Variants in SLC2A7 observed in about 807,000 individuals in gnomAD.
The protein encoded by SLC2A7 is solute carrier family 2 member 7.
SLC2A7 carries 50 observed loss-of-function variants against 50.5 expected under a neutral mutation model. The ratio of observed to expected loss-of-function variants is 0.99; its 90% CI spans 0.79 to 1.25. The LOEUF (loss-of-function observed/expected upper bound fraction) is 1.25, where lower values mean the gene tolerates loss of function less well. Among genes scored for constraint, SLC2A7 ranks in the 50% most tolerant of loss-of-function variants. The pLI is 0.00. For missense variants in SLC2A7, 683 were observed against 679.1 expected, an observed-to-expected ratio of 1.01 and a Z score of -0.06; for synonymous variants, 308 against 300.4, an observed-to-expected ratio of 1.03 and a Z score of -0.26.
chr1:9,003,572 A>T, intron 11 of SLC2A7, 54 bp from the exon 12 acceptor site: 1 of 1,534,322 alleles, frequency 6.5e-7, no homozygotes, highest in Non-Finnish European at 9.0e-7. Flanking sequence ...AACAGTGCTG[A>T]TTCAGCTGAG....
In SLC2A7 at chr1:9,003,260, G is replaced by A. The variant is rs776221394; in HGVS notation, c.*40C>T. The A allele has an allele frequency of 4.4e-6, 7 of 1,598,922 alleles. No individual in the cohort carries two copies. In the South Asian group the frequency reaches 6.6e-5, roughly 15 times the overall value. On this transcript the variant is annotated 3_prime_UTR_variant, in exon 12 of 12. Coordinates refer to ENST00000400906, the MANE Select transcript of SLC2A7 (RefSeq NM_207420.3). ...GCCGGGAGGCCCATTGTCATAGAAG[G>A]AAGCCTTGAATATGGGCTCCCGTCC...
At chr1:8,996,617 T>C in the SLC2A7 span, among the ~76,000 whole-genome samples, 3 of 152,198 alleles carry the variant, frequency 2.0e-5, no homozygotes, top group African/African-American at 7.2e-5. Flanking sequence ...TTGGAAGTGG[T>C]TGGACCATTT....
intron 3 of SLC2A7, among the ~76,000 whole-genome samples, chr1:9,022,106 CA>C (rs2124265547): frequency 6.6e-6 from 1 of 152,314 alleles, no homozygotes; most frequent in African/African-American, 2.4e-5. Context: ...AATTAATTTT[CA>C]ATCAGCGCTA....
the SLC2A7 span, among the ~76,000 whole-genome samples, chr1:8,995,014 A>C: frequency 6.6e-6 from 1 of 151,386 alleles, no homozygotes; most frequent in African/African-American, 2.4e-5. Context: ...CAGGTGATTC[A>C]CCTGCCTCAG....
At chr1:8,993,378 T>G in the SLC2A7 span, among the ~76,000 whole-genome samples, 1 of 152,196 alleles carries the variant, frequency 6.6e-6, no homozygotes, top group African/African-American at 2.4e-5. Context: ...TTTGAGCATT[T>G]GTAAGCACCA....
chr1:9,003,844 C>T (rs557475932), intron 11 of SLC2A7, among the ~76,000 whole-genome samples: 8 of 152,086 alleles, frequency 5.3e-5, no homozygotes, highest in South Asian at 4.2e-4. Context: ...GGCAACAGAG[C>T]GTGACTGTCT....
chr1:9,018,923 T>C (rs954922168), intron 4 of SLC2A7, among the ~76,000 whole-genome samples: 1 of 152,172 alleles, frequency 6.6e-6, no homozygotes, highest in Non-Finnish European at 1.5e-5. Flanking sequence ...GGCTCATACC[T>C]GTAATCCCAG....
rs1173080187 is a variant in SLC2A7 at position 9,024,971 on chromosome 1, C to T, written c.150+5G>A. ...CGGCCCACCTTGTGCCCACCTTGTG[C>T]CCACCTTGTGCGGCGTGTTGACCAC... On this transcript the variant is annotated splice_donor_5th_base_variant and intron_variant, in intron 2 of 11. Coordinates refer to ENST00000400906, the MANE Select transcript of SLC2A7 (RefSeq NM_207420.3). The T allele has an allele frequency of 8.7e-6, 14 of 1,613,778 alleles. No individual in the cohort carries two copies. The highest frequency in any genetic ancestry group is 1.3e-5 in the African/African-American group (1 of 74,932).
At chr1:9,023,754 G>A (rs1640949761) in intron 2 of SLC2A7, among the ~76,000 whole-genome samples, 1 of 89,958 alleles carries the variant, frequency 1.1e-5, no homozygotes, top group Admixed American at 1.4e-4. Flanking sequence ...TAAAAAAGAA[G>A]AGAAAAGAAA....
intron 5 of SLC2A7, among the ~76,000 whole-genome samples, chr1:9,017,560 C>T (rs796743746): frequency 2.0e-4 from 30 of 152,364 alleles, no homozygotes; most frequent in Middle Eastern, 3.4e-3. Flanking sequence ...TATTTCTACT[C>T]GGCTGTCCGT....
intron 7 of SLC2A7, among the ~76,000 whole-genome samples, 189 bp from the exon 8 acceptor site, chr1:9,013,824 C>T (rs1640786470): frequency 6.6e-6 from 1 of 152,182 alleles, no homozygotes; most frequent in African/African-American, 2.4e-5. Context: ...CCGGCGCTGC[C>T]CTGGAATCCA....
chr1:9,025,819 G>A (rs1192986046), intron 1 of SLC2A7, among the ~76,000 whole-genome samples: 1 of 152,186 alleles, frequency 6.6e-6, no homozygotes. Context: ...CCATGTCCTA[G>A]AGCCAAGGCC....
chr1:9,018,113 C>A, intron 5 of SLC2A7, 110 bp downstream of exon 5: 1 of 1,464,802 alleles, frequency 6.8e-7, no homozygotes, highest in Non-Finnish European at 9.3e-7. Flanking sequence ...CTGCCCAACA[C>A]CTGACCCTAA....
At position 9,025,105 on chromosome 1, in the gene SLC2A7, T is replaced by C. The variant is rs750220677; in HGVS notation, c.52-31A>G. ...GGAGACAAGTCCAAGGTCGGGACGCTGTGGGCTTGGGCCTCGGGAAGTGGA... is the reference window on the plus strand; with the variant it reads ...GGAGACAAGTCCAAGGTCGGGACGCCGTGGGCTTGGGCCTCGGGAAGTGGA... On this transcript the variant is annotated intron_variant, in intron 1 of 11. Transcript: ENST00000400906. The C allele has an allele frequency of 1.9e-6, 3 of 1,608,832 alleles. No individual in the cohort carries two copies. In the South Asian group the frequency reaches 3.3e-5, roughly 18 times the overall value.
downstream of SLC2A7, among the ~76,000 whole-genome samples, chr1:9,000,766 G>GTGTGTGTGTGTGTGTGTC (rs1640563043): frequency 6.6e-6 from 1 of 151,724 alleles, no homozygotes; most frequent in South Asian, 2.1e-4. Context: ...GTGTGTGTGT[G>GTGTGTGTGTGTGTGTGTC]TGTGTGTGTG....
intron 9 of SLC2A7, among the ~76,000 whole-genome samples, chr1:9,009,345 C>T (rs771028167): frequency 4.6e-5 from 7 of 152,186 alleles, no homozygotes; most frequent in East Asian, 1.9e-4. Flanking sequence ...TCATCACTTC[C>T]GTAGAACGTG....
At chr1:8,993,888 A>G in the SLC2A7 span, among the ~76,000 whole-genome samples, 1 of 152,126 alleles carries the variant, frequency 6.6e-6, no homozygotes, top group African/African-American at 2.4e-5. Flanking sequence ...TGGCCTCCCA[A>G]AGTACTGGGA....
intron 10 of SLC2A7, 99 bp downstream of exon 10, chr1:9,007,211 C>A: frequency 2.2e-6 from 3 of 1,347,306 alleles, no homozygotes; most frequent in Non-Finnish European, 3.2e-6. Flanking sequence ...GGACCAAGGA[C>A]GTCCATTCAC....
the SLC2A7 span, among the ~76,000 whole-genome samples, chr1:8,995,925 A>G: frequency 6.6e-6 from 1 of 151,494 alleles, no homozygotes; most frequent in African/African-American, 2.4e-5. Flanking sequence ...GTGCTATGAC[A>G]CTCTCCCAAT....
Sources: gnomAD v4.1 joint callset for allele counts (sites outside exome capture counted in the v4.1 genomes callset) on GRCh38, gnomAD v4.1.1 for gene constraint, MANE v1.5 for transcripts, NCBI Gene and HGNC (gene_info 2026-07-23, HGNC 2026-07-21) for gene names.